TRMO: variants seen among roughly 807,000 people sequenced by gnomAD.
The protein encoded by TRMO is tRNA (adenine(37)-N6)-methyltransferase.
TRMO carries 30 observed loss-of-function variants against 37.2 expected under a neutral mutation model. That is an observed-to-expected ratio of 0.81 (90% CI 0.60 to 1.09). The LOEUF (loss-of-function observed/expected upper bound fraction) is 1.09. Among genes scored for constraint, TRMO ranks in the 50% least tolerant of loss-of-function variants. The probability of loss-of-function intolerance (pLI) is 0.00; values close to 1 mark genes in which losing one functional copy is unlikely to be tolerated. For missense variants in TRMO, 552 were observed against 549.5 expected, an observed-to-expected ratio of 1.00 and a Z score of -0.05; for synonymous variants, 239 against 199.4, an observed-to-expected ratio of 1.20 and a Z score of -1.67.
At chr9:97,910,878 T>C (rs925741737) in intron 3 of TRMO, 1 of 574,786 alleles carries the variant, frequency 1.7e-6, no homozygotes, top group African/African-American at 1.9e-5. Flanking sequence ...GACAAAAGCA[T>C]TCTTTCCTAC....
chr9:97,898,668 A>T, the TRMO span, among the ~76,000 whole-genome samples: 1 of 151,998 alleles, frequency 6.6e-6, no homozygotes, highest in Non-Finnish European at 1.5e-5. Context: ...GATTACAAGC[A>T]TGAGCTGCCG....
downstream of TRMO, among the ~76,000 whole-genome samples, chr9:97,904,182 C>G (rs560254552): frequency 1.3e-5 from 2 of 152,256 alleles, no homozygotes; most frequent in Non-Finnish European, 2.9e-5. Flanking sequence ...CTCAGAGAGT[C>G]TCTATTTTAG....
chr9:97,908,886 T>C (rs1825981205), intron 4 of TRMO, among the ~76,000 whole-genome samples: 1 of 152,150 alleles, frequency 6.6e-6, no homozygotes, highest in African/African-American at 2.4e-5. Flanking sequence ...TCCCTCTTTA[T>C]ATGGTTATGC....
At chr9:97,921,660 G>A (rs1826641041) in intron 1 of TRMO, among the ~76,000 whole-genome samples, 1 of 152,038 alleles carries the variant, frequency 6.6e-6, no homozygotes, top group South Asian at 2.1e-4. Flanking sequence ...TCCTGACCTC[G>A]TGATCCGCCC....
At chr9:97,913,684 ATTAAC>A in intron 2 of TRMO, 126 bp from the exon 3 acceptor site, 1 of 649,098 alleles carries the variant, frequency 1.5e-6, no homozygotes, top group Non-Finnish European at 2.7e-6. Context: ...TTTAAATAGT[ATTAAC>A]TTGTCATCTG....
intron 3 of TRMO, chr9:97,910,908 G>A (rs1238909418): frequency 5.3e-6 from 3 of 565,252 alleles, no homozygotes; most frequent in Admixed American, 2.4e-5. Flanking sequence ...AGAGAAGCCT[G>A]TGCACAAACC....
At chr9:97,908,788 T>C (rs963973248) in intron 4 of TRMO, among the ~76,000 whole-genome samples, 2 of 152,242 alleles carry the variant, frequency 1.3e-5, no homozygotes, top group Non-Finnish European at 2.9e-5. Context: ...TATATCTGTT[T>C]TGTTCACTGA....
chr9:97,914,438 T>C (rs939368312), intron 2 of TRMO, among the ~76,000 whole-genome samples: 2 of 152,208 alleles, frequency 1.3e-5, no homozygotes, highest in South Asian at 2.1e-4. Context: ...GCATATATTA[T>C]TGAAGTATAC....
chr9:97,910,927 A>G (rs770428303), intron 3 of TRMO: 18 of 545,634 alleles, frequency 3.3e-5, no homozygotes, highest in African/African-American at 2.4e-4. Flanking sequence ...CCTCTGCTAG[A>G]GCGCTTTCCC....
At position 97,910,243 on chromosome 9, in the gene TRMO, A is replaced by C; in HGVS notation, c.783T>G (p.Asp261Glu). 1.9e-6 allele frequency: 3 copies of C among 1,614,222 alleles called. No individual in the cohort carries two copies. Among genetic ancestry groups the C allele is most frequent in the Non-Finnish European group, 2.5e-6 (3 of 1,180,024 alleles). The change falls in exon 4 of 5, where the codon GAT (aspartate) becomes GAG (glutamate). Residue 261 changes from aspartate (D) to glutamate (E), a missense_variant. Coordinates refer to ENST00000375119, the MANE Select transcript of TRMO (RefSeq NM_016481.5). ...AVDFGLESRRDQSSSVAEEQI... is the reference protein window; with the variant it reads ...AVDFGLESRREQSSSVAEEQI... ...GTTCTTCTGCCACGCTGGAACTCTG[A>C]TCACGTCTTGATTCCAAACCAAAAT... is the stretch of plus-strand genomic sequence containing the variant.
intron 1 of TRMO, among the ~76,000 whole-genome samples, chr9:97,920,703 C>G (rs1795843350): frequency 6.6e-6 from 1 of 152,206 alleles, no homozygotes; most frequent in African/African-American, 2.4e-5. Flanking sequence ...ACACGTCTTG[C>G]TCTGAAAATA....
chr9:97,904,543 GTATTT>G lies in TRMO; in HGVS notation c.*185_*189del, dbSNP rs1825772894. On this transcript the variant is annotated 3_prime_UTR_variant, in exon 5 of 5. Coordinates refer to ENST00000375119, the MANE Select transcript of TRMO (RefSeq NM_016481.5). ...TCAAAAAGCATTTGGTGATTTCTCT[GTATTT>G]TATATCTCTTTGTTAAGTTTATTAA... is the stretch of plus-strand genomic sequence containing the variant. The G allele has an allele frequency of 4.3e-6, 6 of 1,400,310 alleles. No individual in the cohort carries two copies. Among genetic ancestry groups the G allele is most frequent in the Admixed American group, 3.0e-5 (1 of 33,198 alleles). 86.7% of individuals were successfully genotyped at this position (1,400,310 alleles called of 1,614,324 possible).
chr9:97,909,542 A>G (rs12236440), intron 4 of TRMO, among the ~76,000 whole-genome samples: 33,933 of 152,168 alleles, frequency 0.22, 4,030 homozygotes, highest in Non-Finnish European at 0.26. Flanking sequence ...TGAGCTATCG[A>G]CTACCTGACA....
intron 2 of TRMO, among the ~76,000 whole-genome samples, chr9:97,915,526 G>C (rs1331103403): frequency 6.6e-6 from 1 of 152,212 alleles, no homozygotes; most frequent in Non-Finnish European, 1.5e-5. Context: ...CCCAGGGGCA[G>C]AGTCAAGGAG....
intron 3 of TRMO, chr9:97,912,948 G>T: frequency 7.7e-7 from 1 of 1,303,818 alleles, no homozygotes; most frequent in Non-Finnish European, 1.0e-6. Flanking sequence ...CAGCACTGCA[G>T]CCATGATATC....
In TRMO at chr9:97,916,214, A is replaced by G; in HGVS notation, c.201T>C (p.Phe67=). The change falls in exon 2 of 5, where the codon TTT becomes TTC. Residue 67 remains phenylalanine, a synonymous_variant. Coordinates refer to ENST00000375119, the MANE Select transcript of TRMO (RefSeq NM_016481.5). ...RACLRIRKRI[F]NNPEHSLMGL... ...CCATCAAGGAATGTTCAGGATTATTAAAGATCCTCTTTCTAATCCTCAAAC... is the reference window on the plus strand; with the variant it reads ...CCATCAAGGAATGTTCAGGATTATTGAAGATCCTCTTTCTAATCCTCAAAC... 1.9e-6 allele frequency: 3 copies of G among 1,613,762 alleles called. No individual in the cohort carries two copies. Among genetic ancestry groups the G allele is most frequent in the Non-Finnish European group, 2.5e-6 (3 of 1,179,790 alleles).
chr9:97,916,169 A>C lies in TRMO; in HGVS notation c.246T>G (p.His82Gln). 1 of 1,583,982 alleles carries C rather than the reference A, an allele frequency of 6.3e-7. No individual in the cohort carries two copies. The highest frequency in any genetic ancestry group is 8.6e-7 in the Non-Finnish European group (1 of 1,167,294). Reference sequence around the variant, plus strand: ...CTAACTATAAAGCAACTTACCAAACATGAGAAAACTGTTCTAGGCCCATCA... The same window carrying C: ...CTAACTATAAAGCAACTTACCAAACCTGAGAAAACTGTTCTAGGCCCATCA... ...HSLMGLEQFS[H>Q]VWILFVFHKN... Residue 82 changes from histidine to glutamine, a missense_variant, in exon 2 of 5, where the codon CAT becomes CAG. By Grantham distance (24) the His-to-Gln change is conservative. Transcript: ENST00000375119.
the TRMO span, among the ~76,000 whole-genome samples, chr9:97,898,542 T>C: frequency 0.73 from 110,065 of 151,774 alleles, 41,288 homozygotes; most frequent in East Asian, 0.92. Flanking sequence ...CATTTGTATA[T>C]ATACTTGTAT....
At chr9:97,908,244 C>A (rs1050858460) in intron 4 of TRMO, among the ~76,000 whole-genome samples, 21 of 152,042 alleles carry the variant, frequency 1.4e-4, no homozygotes, top group African/African-American at 5.1e-4. Flanking sequence ...AACTCAGTCT[C>A]TACTAAAAAT....
Sources: gnomAD v4.1 joint callset for allele counts (sites outside exome capture counted in the v4.1 genomes callset) on GRCh38, gnomAD v4.1.1 for gene constraint, MANE v1.5 for transcripts, NCBI Gene and HGNC (gene_info 2026-07-23, HGNC 2026-07-21) for gene names.